Variants in VPS54 observed in about 807,000 individuals in gnomAD.
VPS54 encodes vacuolar protein sorting-associated protein 54.
Under a neutral mutation model 121.5 loss-of-function variants are expected in VPS54, and 45 were observed. The observed-to-expected ratio is 0.37, with a 90% CI of 0.29 to 0.47. The LOEUF is 0.47. Ranked by LOEUF, VPS54 falls within the 20% of genes least tolerant of loss-of-function variation. The pLI, the probability that VPS54 is intolerant of heterozygous loss-of-function variation, is 0.99. For synonymous variants in VPS54, 371 were observed against 385.8 expected (o/e 0.96, Z 0.45); for missense variants, 1,090 against 1,131.4 (o/e 0.96, Z 0.52).
intron 9 of VPS54, among the ~76,000 whole-genome samples, chr2:63,945,780 A>C (rs1362707614): frequency 6.6e-6 from 1 of 152,218 alleles, no homozygotes; most frequent in Non-Finnish European, 1.5e-5. Flanking sequence ...CCATATTAAA[A>C]TCCCAAAAGA....
intron 4 of VPS54, 148 bp from the exon 5 acceptor site, chr2:63,969,139 T>C (rs1676150405): frequency 3.1e-6 from 2 of 635,646 alleles, no homozygotes; most frequent in Non-Finnish European, 5.4e-6. Flanking sequence ...CAAGCACCTA[T>C]TACATGCCTA....
chr2:64,014,685 G>A (rs1382504646), intron 1 of VPS54, among the ~76,000 whole-genome samples: 2 of 105,734 alleles, frequency 1.9e-5, no homozygotes, highest in East Asian at 4.5e-4. Flanking sequence ...TTCTTCTGAA[G>A]CGAATAACTC....
chr2:63,960,325 T>C (rs1025047576), intron 7 of VPS54, among the ~76,000 whole-genome samples: 2 of 152,118 alleles, frequency 1.3e-5, no homozygotes, highest in African/African-American at 2.4e-5. Flanking sequence ...AAAAGTAAGG[T>C]TGAAAACAAA....
At chr2:63,894,645 G>T (rs763003291) in intron 22 of VPS54, among the ~76,000 whole-genome samples, 1 of 151,606 alleles carries the variant, frequency 6.6e-6, no homozygotes. Flanking sequence ...TGAGGCTGCA[G>T]TGAGCCATGA....
At chr2:63,939,420 A>C (rs1273724898) in intron 11 of VPS54, among the ~76,000 whole-genome samples, 1 of 152,126 alleles carries the variant, frequency 6.6e-6, no homozygotes, top group Non-Finnish European at 1.5e-5. Context: ...TGACATATAG[A>C]ATTGGATATC....
rs1170250175 is a variant in VPS54 at position 63,893,520 on chromosome 2, A to C, written c.2844T>G (p.Asp948Glu). Residue 948 changes from aspartate to glutamate, a missense_variant, in exon 23 of 23, where the codon GAT (aspartate) becomes GAG (glutamate). By Grantham distance (45) the Asp-to-Glu change is conservative. Around this residue, in one of 2 missense-constraint regions of VPS54, gnomAD observed 289 missense variants for 374.4 expected, o/e 0.77. Coordinates refer to ENST00000272322, the MANE Select transcript of VPS54 (RefSeq NM_016516.3). ...GAAGATTTCCAGTGTAAAAAGCTAC[A>C]TCTGCTGTGACCAACCTAAATAATG... ...GGPQNGLVTA[D>E]VAFYTGNLQA... is the part of the protein sequence containing the mutation. The C allele has an allele frequency of 1.2e-6, 2 of 1,613,828 alleles. No homozygotes were observed. Among genetic ancestry groups the C allele is most frequent in the South Asian group, 2.2e-5 (2 of 91,022 alleles).
At chr2:63,947,868 ACT>A (rs1406085308) in intron 8 of VPS54, among the ~76,000 whole-genome samples, 1 of 151,580 alleles carries the variant, frequency 6.6e-6, no homozygotes, top group East Asian at 1.9e-4. Flanking sequence ...ACAGCGTTCC[ACT>A]CTGTTGCCAA....
chr2:64,009,246 A>G (rs965691952), intron 1 of VPS54, among the ~76,000 whole-genome samples: 1 of 152,226 alleles, frequency 6.6e-6, no homozygotes, highest in Non-Finnish European at 1.5e-5. Context: ...AATGATAGAA[A>G]TAATTAACAT....
chr2:63,897,543 C>T lies in VPS54; in HGVS notation c.2781G>A (p.Lys927=), dbSNP rs1347490537. Residue 927 remains lysine, a synonymous_variant, in exon 22 of 23, where the codon AAG becomes AAA. Transcript: ENST00000272322. The stretch of plus-strand genomic sequence containing the variant: ...TTATCACATTTAAGTGAGATAACTG[C>T]TTTTTCAAGTGGAGTTTATAACTTG... ...INASYKLHLK[K]QLSHLNVIND... is the part of the protein sequence containing the mutation. 1 of 1,599,168 alleles carries T rather than the reference C, an allele frequency of 6.3e-7. No homozygotes were observed. The highest frequency in any genetic ancestry group is 1.3e-5 in the African/African-American group (1 of 74,308).
intron 7 of VPS54, among the ~76,000 whole-genome samples, chr2:63,958,649 A>T (rs746236831): frequency 6.6e-6 from 1 of 152,270 alleles, no homozygotes; most frequent in Non-Finnish European, 1.5e-5. Flanking sequence ...TAGGAGTTCA[A>T]GGCTATAGTT....
At chr2:63,912,480 T>C (rs901607668) in intron 19 of VPS54, 55 bp from the exon 20 acceptor site, 6 of 1,609,514 alleles carry the variant, frequency 3.7e-6, no homozygotes, top group Non-Finnish European at 5.1e-6. Flanking sequence ...ATTTTTAAAA[T>C]ACTTAACAAT....
At chr2:63,931,325 G>T (rs1048617228) in intron 12 of VPS54, among the ~76,000 whole-genome samples, 1 of 152,088 alleles carries the variant, frequency 6.6e-6, no homozygotes, top group Non-Finnish European at 1.5e-5. Context: ...CAATGGAACA[G>T]AACAGAGGCC....
intron 12 of VPS54, among the ~76,000 whole-genome samples, chr2:63,929,206 A>G (rs1413742403): frequency 6.6e-6 from 1 of 152,212 alleles, no homozygotes; most frequent in Non-Finnish European, 1.5e-5. Flanking sequence ...AATCAACAGA[A>G]TATACATTCT....
chr2:63,913,367 C>G, intron 17 of VPS54, 57 bp from the exon 18 acceptor site: 1 of 1,294,202 alleles, frequency 7.7e-7, no homozygotes, highest in Non-Finnish European at 1.1e-6. Context: ...TCTTTATATC[C>G]TGGCAATGTG....
At chr2:63,998,530 C>T (rs181613904) in intron 1 of VPS54, among the ~76,000 whole-genome samples, 95 of 152,010 alleles carry the variant, frequency 6.2e-4, no homozygotes, top group African/African-American at 2.2e-3. Flanking sequence ...GGTGTTATGA[C>T]TTAATGTCTT....
chr2:64,005,769 G>A (rs1418366588), intron 1 of VPS54, among the ~76,000 whole-genome samples: 1 of 152,042 alleles, frequency 6.6e-6, no homozygotes, highest in Non-Finnish European at 1.5e-5. Flanking sequence ...GAGAACCACT[G>A]AGTTAGGGAA....
At chr2:63,931,246 G>A (rs535498497) in intron 12 of VPS54, among the ~76,000 whole-genome samples, 39 of 151,992 alleles carry the variant, frequency 2.6e-4, no homozygotes, top group Non-Finnish European at 5.1e-4. Context: ...GCTACCTGAC[G>A]TCAAACTATA....
chr2:63,934,107 T>C lies in VPS54; in HGVS notation c.1399-94A>G, dbSNP rs750149997. 5.8e-4 allele frequency: 646 copies of C among 1,114,382 alleles called. 2 individuals carry two copies. Among genetic ancestry groups the C allele is most frequent in the Non-Finnish European group, 7.8e-4 (617 of 795,780 alleles). 69.0% of individuals were successfully genotyped at this position (1,114,382 alleles called of 1,614,324 possible). On this transcript the variant is annotated intron_variant, in intron 11 of 22. Coordinates refer to ENST00000272322, the MANE Select transcript of VPS54 (RefSeq NM_016516.3). Reference sequence around the variant, plus strand: ...TTCTGTGCATGTAATTTTGGACATCTATAATCATAAATGAGTCAAAGTCAT... The same window carrying C: ...TTCTGTGCATGTAATTTTGGACATCCATAATCATAAATGAGTCAAAGTCAT...
intron 3 of VPS54, among the ~76,000 whole-genome samples, chr2:63,976,088 T>G (rs949632684): frequency 6.6e-6 from 1 of 152,166 alleles, no homozygotes; most frequent in South Asian, 2.1e-4. Context: ...GAGTTCTTTT[T>G]TTAAAAATAA....
Sources: allele counts gnomAD v4.1 joint callset (sites outside exome capture counted in the v4.1 genomes callset), GRCh38; gene constraint gnomAD v4.1.1; regional missense constraint gnomAD v4.1.1; transcripts MANE v1.5; gene names NCBI Gene and HGNC (gene_info 2026-07-23, HGNC 2026-07-21).